GPHN: variants seen among roughly 807,000 people sequenced by gnomAD.
GPHN encodes the protein gephyrin.
In GPHN, 17 loss-of-function variants were observed where a neutral mutation model predicts 95.5. The ratio of observed to expected loss-of-function variants is 0.18; its 90% CI spans 0.12 to 0.27. GPHN has a LOEUF of 0.27. Among genes scored for constraint, GPHN ranks in the 10% least tolerant of loss-of-function variants. The pLI, the probability that GPHN is intolerant of heterozygous loss-of-function variation, is 1.00. For missense variants in GPHN, 660 were observed against 978.1 expected (o/e 0.67, Z 4.34); for synonymous variants, 320 against 322.5 (o/e 0.99, Z 0.08).
the GPHN span, among the ~76,000 whole-genome samples, chr14:67,703,669 C>T: frequency 6.6e-6 from 1 of 151,958 alleles, no homozygotes. Context: ...CTCAGAAAAC[C>T]CAGTATGTCT....
chr14:67,332,986 C>G, the GPHN span: 1 of 1,580,354 alleles, frequency 6.3e-7, no homozygotes, highest in Non-Finnish European at 8.6e-7. Context: ...GCATGTTGGA[C>G]TTGATCTGGC....
the GPHN span, among the ~76,000 whole-genome samples, chr14:67,265,577 G>A: frequency 6.6e-6 from 1 of 151,122 alleles, no homozygotes; most frequent in South Asian, 2.1e-4. Flanking sequence ...AAATAAAAAA[G>A]CCAGCGCAGT....
At chr14:67,443,153 A>G in the GPHN span, among the ~76,000 whole-genome samples, 1 of 152,142 alleles carries the variant, frequency 6.6e-6, no homozygotes, top group African/African-American at 2.4e-5. Context: ...CCCAGGAGGC[A>G]GAGGATACAC....
the GPHN span, among the ~76,000 whole-genome samples, chr14:67,595,534 G>C: frequency 6.6e-6 from 1 of 152,192 alleles, no homozygotes; most frequent in Non-Finnish European, 1.5e-5. Context: ...ACCATGATTG[G>C]TTCCCACTCC....
chr14:66,883,753 C>G (rs1047109900), intron 5 of GPHN, among the ~76,000 whole-genome samples: 9 of 152,072 alleles, frequency 5.9e-5, no homozygotes, highest in Admixed American at 5.3e-4. Flanking sequence ...TTGTTAGTGT[C>G]TGCCCAGTAC....
At chr14:66,602,987 A>G (rs555138211) in intron 1 of GPHN, among the ~76,000 whole-genome samples, 3 of 151,976 alleles carry the variant, frequency 2.0e-5, no homozygotes, top group Non-Finnish European at 4.4e-5. Flanking sequence ...TTTTTGATCC[A>G]GTGTTCAATT....
the GPHN span, among the ~76,000 whole-genome samples, chr14:67,246,566 G>C: frequency 6.6e-6 from 1 of 151,706 alleles, no homozygotes; most frequent in Non-Finnish European, 1.5e-5. Context: ...GTCTTGAGCA[G>C]CTGAGCACAA....
chr14:67,023,358 A>C (rs1167350161), intron 9 of GPHN, among the ~76,000 whole-genome samples: 1 of 152,162 alleles, frequency 6.6e-6, no homozygotes, highest in Non-Finnish European at 1.5e-5. Context: ...TACCGATTTT[A>C]AATACAAATG....
At chr14:66,523,245 G>A (rs2058552690) in intron 1 of GPHN, among the ~76,000 whole-genome samples, 2 of 152,024 alleles carry the variant, frequency 1.3e-5, no homozygotes, top group African/African-American at 4.8e-5. Flanking sequence ...AATATCATGT[G>A]CTACAGAGGT....
At chr14:67,642,968 C>CA in the GPHN span, among the ~76,000 whole-genome samples, 4 of 151,736 alleles carry the variant, frequency 2.6e-5, no homozygotes, top group Non-Finnish European at 5.9e-5. Flanking sequence ...ATGCCTGGCT[C>CA]ATTTTTGTAT....
chr14:67,622,138 C>T, the GPHN span, among the ~76,000 whole-genome samples: 1 of 152,036 alleles, frequency 6.6e-6, no homozygotes, highest in African/African-American at 2.4e-5. Flanking sequence ...TCTTTATATC[C>T]AATCTAAATG....
intron 1 of GPHN, among the ~76,000 whole-genome samples, chr14:66,650,067 A>C (rs898857786): frequency 3.3e-5 from 5 of 151,678 alleles, no homozygotes; most frequent in African/African-American, 1.2e-4. Flanking sequence ...ATGATGAGAT[A>C]GCAGAAGACT....
chr14:67,373,140 A>G, the GPHN span, among the ~76,000 whole-genome samples: 1,134 of 152,312 alleles, frequency 7.4e-3, 16 homozygotes, highest in African/African-American at 0.026. Flanking sequence ...TAAAATTAAC[A>G]TGTACTTAAT....
intron 10 of GPHN, among the ~76,000 whole-genome samples, chr14:67,044,870 G>GTC (rs1268166740): frequency 6.6e-6 from 1 of 150,928 alleles, no homozygotes; most frequent in African/African-American, 2.4e-5. Context: ...CTCTCTCTCT[G>GTC]TCTCTCTTGC....
chr14:66,762,154 T>C (rs966382568), intron 2 of GPHN, among the ~76,000 whole-genome samples: 18 of 149,868 alleles, frequency 1.2e-4, no homozygotes, highest in African/African-American at 4.5e-4. Context: ...AAAAAAGAAT[T>C]ACAATGGAAT....
At chr14:67,559,553 C>G in the GPHN span, 1 of 1,263,128 alleles carries the variant, frequency 7.9e-7, no homozygotes, top group Non-Finnish European at 1.1e-6. Flanking sequence ...CACCTCCAGT[C>G]AGTCACTCTC....
intron 17 of GPHN, among the ~76,000 whole-genome samples, chr14:67,128,791 C>T (rs759460012): frequency 9.3e-5 from 14 of 150,018 alleles, no homozygotes; most frequent in East Asian, 7.8e-4. Context: ...AAAAATTAGC[C>T]GGGCGTGGCG....
chr14:67,098,907 G>T lies in GPHN; in HGVS notation c.1238-1949G>T, dbSNP rs374318163. On this transcript the variant is annotated intron_variant, in intron 12 of 22. Transcript: ENST00000478722. ...AGCTGATAATTATTTATCTAGTAGA[G>T]AAACAATTTTAAATAAGTTTATTCA... Among the ~76,000 whole-genome samples the T allele has an allele frequency of 5.9e-5, 9 of 152,040 alleles. No homozygotes were observed. The East Asian group carries it at 9.7e-4, about 16-fold the overall frequency.
At position 67,071,506 on chromosome 14, in the gene GPHN, A is replaced by G. The variant is rs1035041367; in HGVS notation, c.1144+12720A>G. On this transcript the variant is annotated intron_variant, in intron 11 of 22. Transcript: ENST00000478722. ...TATGGGATGGGGGGAGTGGGGAGGG[A>G]TAACATTAGGAGATATACCTAATGT... Among the ~76,000 whole-genome samples the G allele has an allele frequency of 2.0e-5, 3 of 152,046 alleles. No homozygotes were observed. The East Asian group carries it at 5.8e-4, about 29-fold the overall frequency.
Sources: allele counts gnomAD v4.1 joint callset (sites outside exome capture counted in the v4.1 genomes callset), GRCh38; gene constraint gnomAD v4.1.1; transcripts MANE v1.5; gene names NCBI Gene and HGNC (gene_info 2026-07-23, HGNC 2026-07-21).